Variants in FAT2 observed in about 807,000 individuals in gnomAD.
FAT2 encodes protocadherin Fat 2.
A neutral mutation model predicts 295.3 loss-of-function variants in FAT2; 150 were observed. The observed-to-expected ratio is 0.51, with a 90% CI of 0.44 to 0.58. The LOEUF is 0.58. Ranked by LOEUF, FAT2 falls within the 20% of genes least tolerant of loss-of-function variation. The pLI is 0.00. For synonymous variants in FAT2, 2,026 were observed against 2,150.3 expected (o/e 0.94, Z 1.60); for missense variants, 4,868 against 5,442.7 (o/e 0.89, Z 3.32).
In FAT2 at chr5:151,556,843, T is replaced by TA. The variant is rs756642408; in HGVS notation, c.3575-442dup. Among the ~76,000 whole-genome samples the TA allele has an allele frequency of 2.2e-4, 33 of 152,288 alleles. 1 individual carries two copies. The highest frequency in any genetic ancestry group is 3.8e-4 in the Non-Finnish European group (26 of 68,016). On this transcript the variant is annotated intron_variant, in intron 3 of 23. Coordinates refer to ENST00000261800, the MANE Select transcript of FAT2 (RefSeq NM_001447.3). ...TCGGTGTTTAAACACAGTTTAGACTTACAGCATTTTCAACTTATGATGGAT... is the reference window on the plus strand; with the variant it reads ...TCGGTGTTTAAACACAGTTTAGACTTAACAGCATTTTCAACTTATGATGGAT...
At chr5:151,550,446 C>G in intron 8 of FAT2, 144 bp downstream of exon 8, 1 of 944,778 alleles carries the variant, frequency 1.1e-6, no homozygotes, top group East Asian at 2.6e-5. Context: ...GGAAGGTGCC[C>G]TTAGCCAGCT....
rs2127627769 is a variant in FAT2 at position 151,553,349 on chromosome 5, G to A, written c.3984C>T (p.Ala1328=). 6.2e-7 allele frequency: 1 copy of A among 1,614,246 alleles called. No individual in the cohort carries two copies. Among genetic ancestry groups the A allele is most frequent in the Middle Eastern group, 1.7e-4 (1 of 6,060 alleles). ...ATDSGQPPLS[A]SVRLHIEWIP... ...TCCACTCAATGTGTAGCCGGACACT[G>A]GCTGAGAGTGGTGGCTGCCCACTGT... is the stretch of plus-strand genomic sequence containing the variant. The change falls in exon 6 of 24, where the codon GCC becomes GCT. Residue 1328 remains alanine (A), a synonymous_variant. Transcript: ENST00000261800.
At chr5:151,592,376 C>A (rs998713407), upstream of FAT2, among the ~76,000 whole-genome samples, 3 of 152,158 alleles carry the variant, frequency 2.0e-5, no homozygotes, top group Admixed American at 1.3e-4. Flanking sequence ...TAAATGAAAT[C>A]GCTCCTGCCC....
At chr5:151,533,583 A>G (rs1394275480) in intron 13 of FAT2, among the ~76,000 whole-genome samples, 3 of 152,072 alleles carry the variant, frequency 2.0e-5, no homozygotes, top group Non-Finnish European at 4.4e-5. Flanking sequence ...CTGGTGTCAA[A>G]CAGAGCAGGG....
intron 20 of FAT2, among the ~76,000 whole-genome samples, chr5:151,515,494 T>A (rs1345038096): frequency 6.6e-6 from 1 of 152,168 alleles, no homozygotes; most frequent in African/African-American, 2.4e-5. Context: ...CTAATGGGCA[T>A]CTGAAACTTA....
intron 13 of FAT2, among the ~76,000 whole-genome samples, chr5:151,533,858 T>C (rs549570488): frequency 2.6e-5 from 4 of 152,080 alleles, no homozygotes; most frequent in Non-Finnish European, 5.9e-5. Flanking sequence ...TAAGCTATAA[T>C]TGGTACAATA....
intron 1 of FAT2, among the ~76,000 whole-genome samples, chr5:151,577,249 A>G (rs1160208887): frequency 6.6e-6 from 1 of 152,230 alleles, no homozygotes; most frequent in African/African-American, 2.4e-5. Context: ...AGAAATGAAT[A>G]TTTGAAGGAA....
In FAT2 at chr5:151,568,842, A is replaced by G; in HGVS notation, c.90T>C (p.Ala30=). 6.2e-7 allele frequency: 1 copy of G among 1,614,060 alleles called. No individual in the cohort carries two copies. Among genetic ancestry groups the G allele is most frequent in the Non-Finnish European group, 8.5e-7 (1 of 1,179,990 alleles). The part of the protein sequence containing the change: ...KPLEGILSSS[A]WHFTHSHYNA... ...TGTAATGGGAGTGTGTGAAGTGCCA[A>G]GCAGAGGAGGAGAGAATCCCTTCTA... is the stretch of plus-strand genomic sequence containing the variant. The change falls in exon 2 of 24, where the codon GCT becomes GCC. Residue 30 remains alanine, a synonymous_variant. Coordinates refer to ENST00000261800, the MANE Select transcript of FAT2 (RefSeq NM_001447.3).
chr5:151,522,393 T>A (rs764261864), intron 18 of FAT2, among the ~76,000 whole-genome samples: 1 of 152,230 alleles, frequency 6.6e-6, no homozygotes, highest in Non-Finnish European at 1.5e-5. Flanking sequence ...AGCCATAGAC[T>A]TGGGCTAACT....
chr5:151,587,092 A>T (rs1380982585), intron 1 of FAT2, among the ~76,000 whole-genome samples: 2 of 152,092 alleles, frequency 1.3e-5, no homozygotes, highest in African/African-American at 4.8e-5. Context: ...CAGTAAGCCA[A>T]GATCATGTCA....
At chr5:151,516,844 G>A (rs1190598518) in intron 20 of FAT2, among the ~76,000 whole-genome samples, 1 of 152,158 alleles carries the variant, frequency 6.6e-6, no homozygotes, top group Admixed American at 6.5e-5. Context: ...AGTGGTTCAT[G>A]CCTGTAATCC....
Position 151,525,717 on chromosome 5 carries a change from G to T in FAT2, c.10506+51C>A, listed in dbSNP as rs188281938. ...AGAAGCACTGGTGGGGCTTTTGCCA[G>T]CATCTTTACTGTCCCCATGGTCACC... On this transcript the variant is annotated intron_variant, in intron 18 of 23. Transcript: ENST00000261800. 1.2e-4 allele frequency: 199 copies of T among 1,599,880 alleles called. No homozygotes were observed. The East Asian group carries it at 4.2e-3, about 33-fold the overall frequency.
intron 10 of FAT2, among the ~76,000 whole-genome samples, chr5:151,541,157 G>T (rs1433840987): frequency 2.0e-5 from 3 of 152,176 alleles, no homozygotes; most frequent in African/African-American, 7.2e-5. Flanking sequence ...ACACTCCAAG[G>T]TTTTATTTTA....
chr5:151,521,457 A>G lies in FAT2; in HGVS notation c.11136T>C (p.His3712=), dbSNP rs199666533. 2.5e-6 allele frequency: 4 copies of G among 1,614,142 alleles called. No homozygotes were observed. The highest frequency in any genetic ancestry group is 2.7e-5 in the African/African-American group (2 of 75,020). Residue 3712 remains histidine, a synonymous_variant, in exon 19 of 24, where the codon CAT becomes CAC. Coordinates refer to ENST00000261800, the MANE Select transcript of FAT2 (RefSeq NM_001447.3). ...CTGACCGCATCTGAACCCCCACTGA[A>G]TGCTCCATCTCCTTGGCTGAGTGAG... ...IITHSAKEME[H]SVGVQMRSAM... is the part of the protein sequence containing the mutation.
chr5:151,575,419 C>T (rs1337369802), intron 1 of FAT2, among the ~76,000 whole-genome samples: 1 of 152,200 alleles, frequency 6.6e-6, no homozygotes, highest in African/African-American at 2.4e-5. Context: ...CAAATGCCAG[C>T]TCTCAGTTTA....
Position 151,563,569 on chromosome 5 carries a change from C to G in FAT2, c.3330G>C (p.Val1110=), listed in dbSNP as rs557391357. The G allele has an allele frequency of 6.2e-7, 1 of 1,614,126 alleles. No homozygotes were observed. Among genetic ancestry groups the G allele is most frequent in the Non-Finnish European group, 8.5e-7 (1 of 1,180,010 alleles). The change falls in exon 3 of 24, where the codon GTG becomes GTC. Residue 1110 remains valine, a synonymous_variant. Transcript: ENST00000261800. ...ASYYWLTVLA[V]DRGSVPLSSV... ...AAGAGAGGGGCACAGAACCCCTGTCCACTGCTAATACCGTCAACCAGTAGT... is the reference window on the plus strand; with the variant it reads ...AAGAGAGGGGCACAGAACCCCTGTCGACTGCTAATACCGTCAACCAGTAGT...
rs1384838336 is a variant in FAT2 at position 151,540,660 on chromosome 5, G to C, written c.8946C>G (p.Leu2982=). 6.2e-7 allele frequency: 1 copy of C among 1,614,080 alleles called. No homozygotes were observed. Among genetic ancestry groups the C allele is most frequent in the African/African-American group, 1.3e-5 (1 of 74,920 alleles). ...LDREHTAKYL[L]RVTASDGKFQ... Reference sequence around the variant, plus strand: ...ACTTGCCATCAGATGCTGTGACTCTGAGCAAGTACTTGGCTGTATGCTCGC... The same window carrying C: ...ACTTGCCATCAGATGCTGTGACTCTCAGCAAGTACTTGGCTGTATGCTCGC... The change falls in exon 11 of 24, where the codon CTC becomes CTG. Residue 2982 remains leucine, a synonymous_variant. Transcript: ENST00000261800.
At chr5:151,573,882 T>G (rs1021107437) in intron 1 of FAT2, among the ~76,000 whole-genome samples, 2 of 152,062 alleles carry the variant, frequency 1.3e-5, no homozygotes, top group Non-Finnish European at 1.5e-5. Context: ...TTGATAAAAG[T>G]TTGAACGTGG....
rs769660074 is a variant in FAT2, at chr5:151,543,963, G to A, written c.7164C>T (p.Val2388=). Reference sequence around the variant, plus strand: ...GGTGTCCACAGGTTGCCAGTTCACTGACATTGGCTTCATATTGAGGTTGTC... The same window carrying A: ...GGTGTCCACAGGTTGCCAGTTCACTAACATTGGCTTCATATTGAGGTTGTC... The part of the protein sequence containing the change: ...EFRQPQYEAN[V]SELATCGHLV... The change falls in exon 10 of 24, where the codon GTC becomes GTT. Residue 2388 remains valine, a synonymous_variant. Transcript: ENST00000261800. The A allele has an allele frequency of 6.8e-6, 11 of 1,614,000 alleles. No individual in the cohort carries two copies. In the Admixed American group the frequency reaches 1.7e-4, roughly 24 times the overall value.
Sources: allele counts gnomAD v4.1 joint callset (sites outside exome capture counted in the v4.1 genomes callset), GRCh38; gene constraint gnomAD v4.1.1; transcripts MANE v1.5; gene names NCBI Gene and HGNC (gene_info 2026-07-23, HGNC 2026-07-21).